INF2: variants seen among roughly 807,000 people sequenced by gnomAD.
The protein encoded by INF2 is inverted formin 2, also known as inverted formin-2.
In INF2, 43 loss-of-function variants were observed where a neutral mutation model predicts 123.5. The ratio of observed to expected loss-of-function variants is 0.35; its 90% CI spans 0.27 to 0.45. The LOEUF (loss-of-function observed/expected upper bound fraction) is 0.45, where lower values mean the gene tolerates loss of function less well. INF2 is among the 20% of genes least tolerant of loss of function. The pLI is 1.00. For missense variants in INF2, 1,453 were observed against 1,682.7 expected (o/e 0.86, Z 2.39); for synonymous variants, 851 against 745.0 (o/e 1.14, Z -2.32).
intron 2 of INF2, 76 bp downstream of exon 2, chr14:104,701,832 G>T (rs1266199783): frequency 1.4e-6 from 2 of 1,401,034 alleles, no homozygotes; most frequent in Non-Finnish European, 1.9e-6. Context: ...AAAAGGCCCC[G>T]GGAGGCCTGG....
At chr14:104,697,231 T>C (rs1180662825) in intron 1 of INF2, among the ~76,000 whole-genome samples, 2 of 152,162 alleles carry the variant, frequency 1.3e-5, no homozygotes, top group Non-Finnish European at 2.9e-5. Flanking sequence ...GCTCCCACAC[T>C]GTGCTGTGGA....
At chr14:104,707,127 C>T in intron 7 of INF2, 76 bp downstream of exon 7, 1 of 1,513,336 alleles carries the variant, frequency 6.6e-7, no homozygotes, top group Non-Finnish European at 8.8e-7. Context: ...GGGGGGGAGC[C>T]TGCCCTTGGC....
chr14:104,712,776 G>T lies in INF2; in HGVS notation c.2611-52G>T, dbSNP rs569321480. 1.7e-5 allele frequency: 26 copies of T among 1,547,576 alleles called. No homozygotes were observed. In the South Asian group the frequency reaches 3.2e-4, roughly 19 times the overall value. On this transcript the variant is annotated intron_variant, in intron 17 of 22. Transcript: ENST00000392634. ...TCCCGCAACTCAGGGCCTCACCCCGGGTGGTGCCCGCGCGGGGCTCTCACG... is the reference window on the plus strand; with the variant it reads ...TCCCGCAACTCAGGGCCTCACCCCGTGTGGTGCCCGCGCGGGGCTCTCACG...
chr14:104,708,752 C>T lies in INF2; in HGVS notation c.1949+20C>T. 6.2e-7 allele frequency: 1 copy of T among 1,612,220 alleles called. No homozygotes were observed. Among genetic ancestry groups the T allele is most frequent in the Non-Finnish European group, 8.5e-7 (1 of 1,179,200 alleles). On this transcript the variant is annotated intron_variant, in intron 10 of 22. Transcript: ENST00000392634. ...TAAGTGGTGAGTGAGGGAGGTAGCCCCCATCCCAGGCCACGGAGCCTCGCC... is the reference window on the plus strand; with the variant it reads ...TAAGTGGTGAGTGAGGGAGGTAGCCTCCATCCCAGGCCACGGAGCCTCGCC...
rs142678449 is a variant in INF2, at chr14:104,712,847, G to A, written c.2630G>A (p.Arg877Gln). The change falls in exon 18 of 23, where the codon CGG becomes CAG. Residue 877 changes from arginine (R) to glutamine (Q), a missense_variant. Coordinates refer to ENST00000392634, the MANE Select transcript of INF2 (RefSeq NM_022489.4). Reference sequence around the variant, plus strand: ...CCCCAGGCCAGCATCTCGGCCTTCCGGGCACTGGATGAGCTGTTTGAGGCC... The same window carrying A: ...CCCCAGGCCAGCATCTCGGCCTTCCAGGCACTGGATGAGCTGTTTGAGGCC... ...ERLQASISAFRALDELFEAIE... is the reference protein window; with the variant it reads ...ERLQASISAFQALDELFEAIE... The A allele has an allele frequency of 0.01, 16,509 of 1,611,314 alleles. 128 individuals carry two copies. The highest frequency in any genetic ancestry group is 0.024 in the Middle Eastern group (145 of 6,058).
rs781255309 is a variant in INF2 at position 104,709,632 on chromosome 14, C to T, written c.2065C>T (p.Arg689Trp). Reference sequence around the variant, plus strand: ...CTCCTCCTGGCAGATTGAAAACCTGCGGGCATTCACAGAGGAGCGAGCCAA... The same window carrying T: ...CTCCTCCTGGCAGATTGAAAACCTGTGGGCATTCACAGAGGAGCGAGCCAA... Reference protein sequence around the residue: ...LPEKHEIENLRAFTEERAKLA... With the variant: ...LPEKHEIENLWAFTEERAKLA... The change falls in exon 12 of 23, where the codon CGG (arginine) becomes TGG (tryptophan). Residue 689 changes from arginine to tryptophan, a missense_variant. Physicochemically the swap from Arg to Trp is moderately radical, Grantham distance 101. Coordinates refer to ENST00000392634, the MANE Select transcript of INF2 (RefSeq NM_022489.4). The T allele has an allele frequency of 9.3e-6, 15 of 1,612,334 alleles. No individual in the cohort carries two copies. Among genetic ancestry groups the T allele is most frequent in the Admixed American group, 1.7e-5 (1 of 60,006 alleles).
upstream of INF2, chr14:104,681,144 G>A (rs906978505): frequency 7.9e-5 from 18 of 228,722 alleles, no homozygotes; most frequent in African/African-American, 3.9e-4. Flanking sequence ...TCTGGGGGGT[G>A]GCACCAGGCT....
Position 104,715,966 on chromosome 14 carries a change from C to T in INF2, c.*1+626C>T, listed in dbSNP as rs771720527. Reference sequence around the variant, plus strand: ...TGGGTCTATGGAGAAGCAGATTACCCCCCGCACACCGAGTCTTCTGGGGGG... The same window carrying T: ...TGGGTCTATGGAGAAGCAGATTACCTCCCGCACACCGAGTCTTCTGGGGGG... On this transcript the variant is annotated intron_variant, in intron 22 of 22. Transcript: ENST00000392634. The T allele has an allele frequency of 3.3e-5, 15 of 455,924 alleles. No homozygotes were observed. In the East Asian group the frequency reaches 9.7e-4, roughly 30 times the overall value. The allele number at this position is 455,924 out of a possible 1,614,324, so 28.2% of individuals were successfully genotyped here. A position where few individuals can be genotyped will look rare whatever the true frequency, so the allele number is the denominator to read the frequency against.
At position 104,701,565 on chromosome 14, in the gene INF2, A is replaced by C. The variant is rs764972050; in HGVS notation, c.200A>C (p.Gln67Pro). The change falls in exon 2 of 23, where the codon CAG (glutamine) becomes CCG (proline). Residue 67 changes from glutamine (Q) to proline (P), a missense_variant. Coordinates refer to ENST00000392634, the MANE Select transcript of INF2 (RefSeq NM_022489.4). ...GGCAGCGACGGCGGCTGGATGGTGC[A>C]GTTCCTGGAGCAGAGCGGCCTGGAC... Reference protein sequence around the residue: ...LEGSDGGWMVQFLEQSGLDLL... With the variant: ...LEGSDGGWMVPFLEQSGLDLL... The C allele has an allele frequency of 6.2e-7, 1 of 1,608,564 alleles. No homozygotes were observed. The highest frequency in any genetic ancestry group is 1.7e-5 in the Admixed American group (1 of 59,810).
rs1888597308 is a variant in INF2 at position 104,683,955 on chromosome 14, T to C, written c.-104+2373T>C. The C allele has an allele frequency of 1.6e-5, 7 of 440,008 alleles. No individual in the cohort carries two copies. In the Admixed American group the frequency reaches 1.7e-4, roughly 11 times the overall value. 27.3% of individuals were successfully genotyped at this position (440,008 alleles called of 1,614,324 possible). ...GGGGTGCGGGTGGGTCTCAGGCACTTCCCTGCTCTCAAAGGAGCACCTCCA... is the reference window on the plus strand; with the variant it reads ...GGGGTGCGGGTGGGTCTCAGGCACTCCCCTGCTCTCAAAGGAGCACCTCCA... On this transcript the variant is annotated intron_variant, in intron 1 of 2. Coordinates refer to the INF2 transcript ENST00000674723.
chr14:104,714,563 C>T lies in INF2; in HGVS notation c.3401C>T (p.Pro1134Leu). ...AGTTCAAGGCAAGATGCCAAGGATC[C>T]CACGTCCTTGCTGGGCGTCCTCCAG... Reference protein sequence around the residue: ...AGSSRQDAKDPTSLLGVLQAE... With the variant: ...AGSSRQDAKDLTSLLGVLQAE... The change falls in exon 21 of 23, where the codon CCC (proline) becomes CTC (leucine). Residue 1134 changes from proline (P) to leucine (L), a missense_variant. Coordinates refer to ENST00000392634, the MANE Select transcript of INF2 (RefSeq NM_022489.4). The T allele has an allele frequency of 6.2e-7, 1 of 1,612,716 alleles. No homozygotes were observed. Among genetic ancestry groups the T allele is most frequent in the Non-Finnish European group, 8.5e-7 (1 of 1,179,870 alleles).
Position 104,707,509 on chromosome 14 carries a change from G to A in INF2, c.1242G>A (p.Leu414=). The change falls in exon 8 of 23, where the codon CTG becomes CTA. Residue 414 remains leucine (L), a synonymous_variant. Coordinates refer to ENST00000392634, the MANE Select transcript of INF2 (RefSeq NM_022489.4). ...SILKVSQPRA[L]EQQASTPPPP... is the part of the protein sequence containing the mutation. ...TGAAAGTTTCGCAGCCCAGAGCCCTGGAGCAGCAGGCGTCCACCCCACCCC... is the reference window on the plus strand; with the variant it reads ...TGAAAGTTTCGCAGCCCAGAGCCCTAGAGCAGCAGGCGTCCACCCCACCCC... 1 of 1,547,006 alleles carries A rather than the reference G, an allele frequency of 6.5e-7. No homozygotes were observed. The highest frequency in any genetic ancestry group is 8.7e-7 in the Non-Finnish European group (1 of 1,146,544).
In INF2 at chr14:104,695,967, A is replaced by G. The variant is rs1002815043; in HGVS notation, c.-9-5390A>G. On this transcript the variant is annotated intron_variant, in intron 1 of 22. Coordinates refer to ENST00000392634, the MANE Select transcript of INF2 (RefSeq NM_022489.4). ...TGTGAGATGTTGCTGTCTTTTGATC[A>G]TTTTGCTTGCTTTCTTCCTCAGTAT... 3.3e-5 allele frequency among the ~76,000 whole-genome samples: 5 copies of G among 151,784 alleles called. No individual in the cohort carries two copies. In the East Asian group the frequency reaches 9.7e-4, roughly 29 times the overall value.
chr14:104,692,238 G>A (rs1352730130), intron 1 of INF2, among the ~76,000 whole-genome samples: 3 of 152,216 alleles, frequency 2.0e-5, no homozygotes, highest in Non-Finnish European at 4.4e-5. Flanking sequence ...AGTGCGACGT[G>A]GGTCCTGCAG....
In INF2 at chr14:104,708,146, G is replaced by C. The variant is rs562835660; in HGVS notation, c.1735+144G>C. 1.1e-4 allele frequency: 152 copies of C among 1,342,860 alleles called. No homozygotes were observed. In the Middle Eastern group the frequency reaches 3.6e-3, roughly 32 times the overall value. The allele number at this position is 1,342,860 out of a possible 1,614,324, so 83.2% of individuals were successfully genotyped here. On this transcript the variant is annotated intron_variant, in intron 8 of 22. Coordinates refer to ENST00000392634, the MANE Select transcript of INF2 (RefSeq NM_022489.4). ...GCAGCCTGGCCCTTGCTCTGGGCTC[G>C]GCGCCTGTGGTTGAGGTGGGGACGG...
intron 1 of INF2, among the ~76,000 whole-genome samples, chr14:104,682,506 C>T (rs1329963443): frequency 3.9e-5 from 6 of 152,174 alleles, no homozygotes; most frequent in Non-Finnish European, 8.8e-5. Context: ...CGGCAGGGAG[C>T]AGGGACAGCC....
rs1174416960 is a variant in INF2 at position 104,701,728 on chromosome 14, C to T, written c.363C>T (p.Asn121=). The change falls in exon 2 of 23, where the codon AAC becomes AAT. Residue 121 remains asparagine (N), a synonymous_variant. Transcript: ENST00000392634. ...SRQGIEYILS[N]QGYVRQLSQA... ...AGGGCATCGAGTACATCCTCAGCAA[C>T]CAGGGCTACGTGCGCCAGCTCTCCC... 6.5e-7 allele frequency: 1 copy of T among 1,531,492 alleles called. No homozygotes were observed. Among genetic ancestry groups the T allele is most frequent in the Non-Finnish European group, 8.8e-7 (1 of 1,138,206 alleles). 94.9% of individuals were successfully genotyped at this position (1,531,492 alleles called of 1,614,324 possible). A position where few individuals can be genotyped will look rare whatever the true frequency, so the allele number is the denominator to read the frequency against.
Position 104,707,767 on chromosome 14 carries a change from GC to G in INF2, c.1505del (p.Pro502HisfsTer56). Reference sequence around the variant, plus strand: ...CACCACTCCCGGGCTTGGGATGCCCGCCCCCACCCCCACCCCTGCTGCCTGG... The same window carrying G: ...CACCACTCCCGGGCTTGGGATGCCCGCCCCACCCCCACCCCTGCTGCCTGG... ...PPPLPGLGCP[P>X]PPPPLLPGMG... is the part of the protein sequence containing the mutation. On this transcript the variant is annotated frameshift_variant, in exon 8 of 23. Transcript: ENST00000392634. LOFTEE classifies it high-confidence loss of function. The G allele has an allele frequency of 4.9e-6, 3 of 615,054 alleles. No individual in the cohort carries two copies. Among genetic ancestry groups the G allele is most frequent in the Non-Finnish European group, 7.4e-6 (3 of 404,902 alleles). The allele number at this position is 615,054 out of a possible 1,614,324, so 38.1% of individuals were successfully genotyped here.
At chr14:104,717,808 C>A (rs1435256989) in intron 22 of INF2, among the ~76,000 whole-genome samples, 22 of 152,218 alleles carry the variant, frequency 1.4e-4, no homozygotes, top group Admixed American at 1.4e-3. Flanking sequence ...TAATAAGCAC[C>A]GGTGGTGACC....
Sources: allele counts gnomAD v4.1 joint callset (sites outside exome capture counted in the v4.1 genomes callset), GRCh38; gene constraint gnomAD v4.1.1; transcripts MANE v1.5; gene names NCBI Gene and HGNC (gene_info 2026-07-23, HGNC 2026-07-21).